PCDH19: variants seen among roughly 807,000 people sequenced by gnomAD.
PCDH19 encodes the protein protocadherin-19.
A neutral mutation model predicts 46.2 loss-of-function variants in PCDH19; 6 were observed. The observed-to-expected ratio is 0.13, with a 90% CI of 0.07 to 0.26. PCDH19 has a LOEUF of 0.26. Among genes scored for constraint, PCDH19 ranks in the 10% least tolerant of loss-of-function variants. PCDH19 has a pLI of 1.00. For missense variants in PCDH19, 740 were observed against 972.3 expected, an observed-to-expected ratio of 0.76 and a Z score of 3.18; for synonymous variants, 481 against 415.7, an observed-to-expected ratio of 1.16 and a Z score of -1.91.
At chrX:100,333,135 A>T (rs1250774547) in intron 5 of PCDH19, among the ~76,000 whole-genome samples, 22 of 40,004 alleles carry the variant, frequency 5.5e-4, no homozygotes, top group African/African-American at 1.6e-3. Context: ...GGAAGGAAGG[A>T]AGGAAGGAAG....
intron 3 of PCDH19, among the ~76,000 whole-genome samples, chrX:100,391,729 C>A (rs760214006): frequency 1.8e-5 from 2 of 112,434 alleles, no homozygotes; most frequent in East Asian, 5.6e-4. Context: ...TTTCAGAATT[C>A]TCTATGTCTT....
chrX:100,331,484 C>T (rs1385785741), intron 5 of PCDH19, among the ~76,000 whole-genome samples: 1 of 111,838 alleles, frequency 8.9e-6, no homozygotes, highest in African/African-American at 3.2e-5. Flanking sequence ...TAAAAAGCAA[C>T]TTTTCTGATG....
chrX:100,363,676 A>G (rs1926969844), intron 3 of PCDH19, among the ~76,000 whole-genome samples: 1 of 101,426 alleles, frequency 9.9e-6, no homozygotes, highest in Non-Finnish European at 2.0e-5. Context: ...TGATAAATAT[A>G]TATAAAACAT....
At position 100,407,778 on chromosome X, in the gene PCDH19, C is replaced by T; in HGVS notation, c.820G>A (p.Val274Ile). The change falls in exon 1 of 6, where the codon GTC becomes ATC. Residue 274 changes from valine (V) to isoleucine (I), a missense_variant. This residue lies in a region of PCDH19 where 186 missense variants were observed against 319.9 expected (regional missense o/e 0.58). Coordinates refer to ENST00000373034, the MANE Select transcript of PCDH19 (RefSeq NM_001184880.2). ...TTGACGTAGCCATAGAAGGAGTAGA[C>T]CACCTGGCCGTTGGTGCCCTCGTCT... The part of the protein sequence containing the change: ...DPDEGTNGQV[V>I]YSFYGYVNDR... 1 of 1,212,297 alleles carries T rather than the reference C, an allele frequency of 8.2e-7. No homozygotes were observed. Among genetic ancestry groups the T allele is most frequent in the Non-Finnish European group, 1.1e-6 (1 of 895,621 alleles).
At chrX:100,363,733 T>C (rs1926978275) in intron 3 of PCDH19, among the ~76,000 whole-genome samples, 1 of 90,112 alleles carries the variant, frequency 1.1e-5, no homozygotes, top group East Asian at 3.1e-4. Flanking sequence ...ATTTATTTTA[T>C]ATATATAAAT....
intron 3 of PCDH19, among the ~76,000 whole-genome samples, chrX:100,360,107 G>A (rs1026917269): frequency 4.5e-5 from 5 of 111,831 alleles, no homozygotes; most frequent in Admixed American, 2.9e-4. Context: ...GAGAGAAAGC[G>A]GTGGGTGGCC....
intron 3 of PCDH19, among the ~76,000 whole-genome samples, chrX:100,388,149 T>C (rs2047992248): frequency 1.8e-5 from 2 of 111,103 alleles, no homozygotes; most frequent in Admixed American, 1.9e-4. Flanking sequence ...AATGCTTTGG[T>C]AATTTTCTTT....
rs1475273232 is a variant in PCDH19 at position 100,346,172 on chromosome X, GAA to G, written c.2676-4099_2676-4098del. ...AACACCTAGAACAGGGTTCTGCACA[GAA>G]GAGTTACTCAGCAGATGCATGACGA... On this transcript the variant is annotated intron_variant, in intron 4 of 5. Coordinates refer to ENST00000373034, the MANE Select transcript of PCDH19 (RefSeq NM_001184880.2). Among the ~76,000 whole-genome samples, 289 of 111,985 alleles carry G rather than the reference GAA, an allele frequency of 2.6e-3. 1 individual carries two copies. Among genetic ancestry groups the G allele is most frequent in the African/African-American group, 8.8e-3 (272 of 30,818 alleles).
At chrX:100,333,853 A>T (rs2147478340) in intron 5 of PCDH19, among the ~76,000 whole-genome samples, 1 of 105,627 alleles carries the variant, frequency 9.5e-6, no homozygotes, top group African/African-American at 3.5e-5. Context: ...GCAGTAGTAC[A>T]ATCTCAGCTC....
At chrX:100,308,864 A>T (rs1169202147) in intron 5 of PCDH19, among the ~76,000 whole-genome samples, 1 of 111,744 alleles carries the variant, frequency 8.9e-6, no homozygotes, top group Non-Finnish European at 1.9e-5. Flanking sequence ...GCCATAATAA[A>T]AAAATAATAA....
At chrX:100,388,561 T>C (rs1927778829) in intron 3 of PCDH19, among the ~76,000 whole-genome samples, 1 of 110,981 alleles carries the variant, frequency 9.0e-6, no homozygotes, top group South Asian at 3.8e-4. Context: ...TGTACATGAA[T>C]TTTTACGCTG....
At chrX:100,390,827 T>C (rs1927839845) in intron 3 of PCDH19, among the ~76,000 whole-genome samples, 1 of 111,948 alleles carries the variant, frequency 8.9e-6, no homozygotes, top group Admixed American at 9.5e-5. Flanking sequence ...TATTGAATTC[T>C]GGCTCTTTTC....
intron 5 of PCDH19, among the ~76,000 whole-genome samples, chrX:100,328,464 CTT>C (rs2147472814): frequency 1.8e-5 from 2 of 111,686 alleles, no homozygotes; most frequent in East Asian, 5.6e-4. Context: ...ACTTCGAAGA[CTT>C]TTCCCTCTCC....
At chrX:100,322,808 C>T (rs1317800003) in intron 5 of PCDH19, among the ~76,000 whole-genome samples, 1 of 80,682 alleles carries the variant, frequency 1.2e-5, no homozygotes, top group Non-Finnish European at 2.3e-5. Flanking sequence ...AGGTGTTTTG[C>T]CTCCTTGGTT....
chrX:100,322,203 C>A lies in PCDH19; in HGVS notation c.2848+19700G>T, dbSNP rs139317983. Among the ~76,000 whole-genome samples, 163 of 111,358 alleles carry A rather than the reference C, an allele frequency of 1.5e-3. 1 individual carries two copies. Among genetic ancestry groups the A allele is most frequent in the African/African-American group, 5.1e-3 (157 of 30,603 alleles). ...TTCTAGAATTTTTATAGTTTCAGGT[C>A]TTAGATTTAAGACCTTGATCTATTT... On this transcript the variant is annotated intron_variant, in intron 5 of 5. Coordinates refer to ENST00000373034, the MANE Select transcript of PCDH19 (RefSeq NM_001184880.2).
intron 3 of PCDH19, among the ~76,000 whole-genome samples, chrX:100,392,408 T>A (rs991647883): frequency 8.9e-6 from 1 of 111,979 alleles, no homozygotes; most frequent in African/African-American, 3.2e-5. Context: ...TATTTGAGAT[T>A]CGTTTCCAAA....
At chrX:100,364,920 C>A (rs1244503680) in intron 3 of PCDH19, among the ~76,000 whole-genome samples, 1 of 111,951 alleles carries the variant, frequency 8.9e-6, no homozygotes, top group Non-Finnish European at 1.9e-5. Context: ...AAGTCAAAAC[C>A]AAACTAATGT....
intron 3 of PCDH19, among the ~76,000 whole-genome samples, chrX:100,379,347 A>ACACACACACACAC (rs66715683): frequency 4.1e-4 from 27 of 65,261 alleles, no homozygotes; most frequent in East Asian, 3.0e-3. Context: ...ACACACACAC[A>ACACACACACACAC]CATTTCCTCC....
chrX:100,408,614 G>A lies in PCDH19; in HGVS notation c.-17C>T. 1 of 1,107,012 alleles carries A rather than the reference G, an allele frequency of 9.0e-7. No individual in the cohort carries two copies. Among genetic ancestry groups the A allele is most frequent in the Non-Finnish European group, 1.2e-6 (1 of 830,032 alleles). The allele number at this position is 1,107,012 out of a possible 1,213,427, so 91.2% of individuals were successfully genotyped here. On this transcript the variant is annotated 5_prime_UTR_variant, in exon 1 of 6. Transcript: ENST00000373034. ...CGACTCCATGGCTGCACGGGGCTCTGCCTGGCCTCGCCTCTCCACACCCCT... is the reference window on the plus strand; with the variant it reads ...CGACTCCATGGCTGCACGGGGCTCTACCTGGCCTCGCCTCTCCACACCCCT...
Sources: gnomAD v4.1 joint callset for allele counts (sites outside exome capture counted in the v4.1 genomes callset) on GRCh38, gnomAD v4.1.1 for gene constraint, gnomAD v4.1.1 regional missense constraint, MANE v1.5 for transcripts, NCBI Gene and HGNC (gene_info 2026-07-23, HGNC 2026-07-21) for gene names.